Variants in SPAG16 observed in about 807,000 individuals in gnomAD.
SPAG16 encodes sperm associated antigen 16.
In SPAG16, 86 loss-of-function variants were observed where a neutral mutation model predicts 80.4. That is an observed-to-expected ratio of 1.07 (90% confidence interval 0.90 to 1.28). The LOEUF (loss-of-function observed/expected upper bound fraction) is 1.28. Among genes scored for constraint, SPAG16 ranks in the 50% most tolerant of loss-of-function variants. The pLI, the probability that SPAG16 is intolerant of heterozygous loss-of-function variation, is 0.00. For synonymous variants in SPAG16, 294 were observed against 265.9 expected (o/e 1.11, Z -1.03); for missense variants, 870 against 765.3 (o/e 1.14, Z -1.61).
chr2:214,066,279 T>C (rs927483925), intron 13 of SPAG16, among the ~76,000 whole-genome samples: 10 of 152,150 alleles, frequency 6.6e-5, no homozygotes, highest in African/African-American at 2.4e-4. Flanking sequence ...AGACCAACTC[T>C]GGCTGCCCCA....
intron 10 of SPAG16, among the ~76,000 whole-genome samples, chr2:213,508,362 G>A (rs1575783295): frequency 6.6e-6 from 1 of 152,200 alleles, no homozygotes; most frequent in South Asian, 2.1e-4. Flanking sequence ...CATGAGGTCA[G>A]GAGATCGAGA....
chr2:214,127,256 A>G (rs1460914314), intron 14 of SPAG16, among the ~76,000 whole-genome samples: 1 of 151,800 alleles, frequency 6.6e-6, no homozygotes, highest in East Asian at 1.9e-4. Flanking sequence ...TGTCTGCCTC[A>G]TTAAAATTGT....
intron 14 of SPAG16, among the ~76,000 whole-genome samples, chr2:214,135,022 T>C (rs965376808): frequency 6.6e-6 from 1 of 152,200 alleles, no homozygotes; most frequent in Non-Finnish European, 1.5e-5. Flanking sequence ...ATCTAAAACA[T>C]TACATTTCCA....
chr2:214,232,936 T>C (rs1008708695), intron 15 of SPAG16, among the ~76,000 whole-genome samples: 2 of 151,958 alleles, frequency 1.3e-5, no homozygotes, highest in African/African-American at 4.8e-5. Context: ...AAATGTAGCA[T>C]ATCTATGCAA....
chr2:213,797,980 G>T (rs2071150491), intron 10 of SPAG16, among the ~76,000 whole-genome samples: 1 of 152,152 alleles, frequency 6.6e-6, no homozygotes, highest in Non-Finnish European at 1.5e-5. Flanking sequence ...ATCAACATTT[G>T]CTGTCTTTCT....
At chr2:214,058,792 A>G (rs2050077161) in intron 13 of SPAG16, among the ~76,000 whole-genome samples, 1 of 152,148 alleles carries the variant, frequency 6.6e-6, no homozygotes, top group Non-Finnish European at 1.5e-5. Context: ...CTGTATTGAG[A>G]AAGGGAGGTA....
At chr2:213,778,424 TA>T (rs2069735381) in intron 10 of SPAG16, among the ~76,000 whole-genome samples, 1 of 152,154 alleles carries the variant, frequency 6.6e-6, no homozygotes, top group African/African-American at 2.4e-5. Flanking sequence ...TTCTTTATAA[TA>T]GGGGCAAAAA....
At chr2:213,358,346 G>A (rs544707634) in intron 7 of SPAG16, among the ~76,000 whole-genome samples, 92 of 152,302 alleles carry the variant, frequency 6.0e-4, no homozygotes, top group African/African-American at 2.1e-3. Flanking sequence ...ATATCCTGAA[G>A]AGTGTTTTCT....
chr2:213,837,182 A>G (rs1454562401), intron 10 of SPAG16, among the ~76,000 whole-genome samples: 2 of 152,212 alleles, frequency 1.3e-5, no homozygotes, highest in African/African-American at 2.4e-5. Flanking sequence ...ATATTTATGT[A>G]TCCATATAAT....
chr2:213,869,834 G>A (rs765760894), intron 11 of SPAG16, among the ~76,000 whole-genome samples: 2 of 151,952 alleles, frequency 1.3e-5, no homozygotes, highest in African/African-American at 4.8e-5. Flanking sequence ...AATAATGTCC[G>A]TACGTATAGT....
chr2:214,232,512 T>C (rs1268483021), intron 15 of SPAG16, among the ~76,000 whole-genome samples: 1 of 152,004 alleles, frequency 6.6e-6, no homozygotes, highest in Non-Finnish European at 1.5e-5. Context: ...CAGATTCTTA[T>C]AGTGTGTTGA....
At chr2:213,442,436 T>G (rs1169291217) in intron 9 of SPAG16, among the ~76,000 whole-genome samples, 1 of 152,158 alleles carries the variant, frequency 6.6e-6, no homozygotes, top group African/African-American at 2.4e-5. Context: ...AAAGTTTATA[T>G]GGGTATTCAA....
intron 15 of SPAG16, among the ~76,000 whole-genome samples, chr2:214,277,471 G>T (rs144247170): frequency 1.4e-3 from 218 of 152,180 alleles, no homozygotes; most frequent in Non-Finnish European, 2.7e-3. Context: ...TGGGGTTTTG[G>T]TGTGGATGTC....
chr2:214,400,438 T>C (rs1285250709), intron 15 of SPAG16, among the ~76,000 whole-genome samples: 1 of 151,918 alleles, frequency 6.6e-6, no homozygotes, highest in Admixed American at 6.6e-5. Flanking sequence ...TTATGTAGCA[T>C]TTATATTGTA....
chr2:214,289,197 T>G (rs1479107702), intron 15 of SPAG16, among the ~76,000 whole-genome samples: 1 of 152,248 alleles, frequency 6.6e-6, no homozygotes, highest in Non-Finnish European at 1.5e-5. Context: ...ACAGGTTGTC[T>G]CTTCACTCAA....
intron 13 of SPAG16, among the ~76,000 whole-genome samples, chr2:214,096,091 G>A (rs1481836361): frequency 6.6e-6 from 1 of 151,876 alleles, no homozygotes; most frequent in African/African-American, 2.4e-5. Context: ...GACTCTATTT[G>A]CTCTGAGATT....
chr2:213,483,416 T>G (rs10175014), intron 9 of SPAG16, among the ~76,000 whole-genome samples: 5 of 152,202 alleles, frequency 3.3e-5, no homozygotes, highest in African/African-American at 1.2e-4. Context: ...CAGCAGTGTA[T>G]GAGAGCACCT....
chr2:213,727,771 A>G (rs1559414638), intron 10 of SPAG16, among the ~76,000 whole-genome samples: 1 of 152,360 alleles, frequency 6.6e-6, no homozygotes, highest in East Asian at 1.9e-4. Context: ...CTTACATTTT[A>G]CTATGATCTA....
chr2:214,161,298 A>G (rs1029279515), intron 15 of SPAG16, among the ~76,000 whole-genome samples: 7 of 152,152 alleles, frequency 4.6e-5, no homozygotes, highest in Non-Finnish European at 8.8e-5. Flanking sequence ...AATGATTTAT[A>G]TTCCTTTGGA....
Sources: allele counts gnomAD v4.1 joint callset (sites outside exome capture counted in the v4.1 genomes callset), GRCh38; gene constraint gnomAD v4.1.1; transcripts MANE v1.5; gene names NCBI Gene and HGNC (gene_info 2026-07-23, HGNC 2026-07-21).